The following KRAS variants were observed in gnomAD, a reference collection of about 807,000 sequenced individuals.
KRAS encodes GTPase KRas.
KRAS carries 1 observed loss-of-function variant against 21.0 expected under a neutral mutation model. The observed-to-expected ratio is 0.05, with a 90% CI of 0.02 to 0.23. KRAS has a LOEUF of 0.23. Ranked by LOEUF, KRAS falls within the 10% of genes least tolerant of loss-of-function variation. The pLI is 1.00. For missense variants in KRAS, 107 were observed against 221.8 expected (o/e 0.48, Z 3.29); for synonymous variants, 67 against 72.5 (o/e 0.92, Z 0.39).
intron 4 of KRAS, among the ~76,000 whole-genome samples, chr12:25,212,803 G>T (rs552901616): frequency 3.3e-5 from 5 of 152,014 alleles, no homozygotes; most frequent in Admixed American, 2.0e-4. Flanking sequence ...GCCCAGTCTG[G>T]TCTTAAACTC....
At chr12:25,240,471 C>A (rs539549777) in intron 2 of KRAS, among the ~76,000 whole-genome samples, 1 of 152,202 alleles carries the variant, frequency 6.6e-6, no homozygotes, top group African/African-American at 2.4e-5. Flanking sequence ...ACGTTGAACC[C>A]ACATGAATGA....
Position 25,209,855 on chromosome 12 carries a change from C to T in KRAS, c.507G>A (p.Lys169=), listed in dbSNP as rs750905218. The change falls in exon 5 of 5, where the codon AAG becomes AAA. Residue 169 remains lysine (K), a synonymous_variant. Transcript: ENST00000311936. The part of the protein sequence containing the change: ...LVREIRKHKE[K]MSKDGKKKKK... ...TCTTCTTTTTACCATCTTTGCTCATCTTTTCTTTATGTTTTCGAATTTCTC... is the reference window on the plus strand; with the variant it reads ...TCTTCTTTTTACCATCTTTGCTCATTTTTTCTTTATGTTTTCGAATTTCTC... The T allele has an allele frequency of 6.2e-7, 1 of 1,611,300 alleles. No homozygotes were observed. The highest frequency in any genetic ancestry group is 1.7e-5 in the Admixed American group (1 of 59,946).
At chr12:25,239,493 T>C (rs1951584316) in intron 2 of KRAS, among the ~76,000 whole-genome samples, 1 of 152,232 alleles carries the variant, frequency 6.6e-6, no homozygotes, top group Admixed American at 6.5e-5. Flanking sequence ...TCACTCAATC[T>C]ATGTTACTTA....
In KRAS at chr12:25,209,256, CT is replaced by C. The variant is rs756307694; in HGVS notation, c.*538del. 4.6e-5 allele frequency: 31 copies of C among 679,008 alleles called. No individual in the cohort carries two copies. Among genetic ancestry groups the C allele is most frequent in the South Asian group, 1.8e-4 (11 of 61,818 alleles). The allele number at this position is 679,008 out of a possible 1,614,324, so 42.1% of individuals were successfully genotyped here. A position where few individuals can be genotyped will look rare whatever the true frequency, so the allele number is the denominator to read the frequency against. ...AATAGCAGTGGAAAGGAGACAAAACCTTTGTGAACAGTGTAACTTTACATTC... is the reference window on the plus strand; with the variant it reads ...AATAGCAGTGGAAAGGAGACAAAACCTTGTGAACAGTGTAACTTTACATTC... On this transcript the variant is annotated 3_prime_UTR_variant, in exon 5 of 5. Transcript: ENST00000311936.
rs1394964160 is a variant in KRAS, at chr12:25,206,991, G to A, written c.*2804C>T. On this transcript the variant is annotated 3_prime_UTR_variant, in exon 5 of 5. Coordinates refer to ENST00000311936, the MANE Select transcript of KRAS (RefSeq NM_004985.5). ...ACAATGAAGTGATTTACATAAAGTA[G>A]CTTGATCGAAGAGTTTCAGTGGAAT... is the stretch of plus-strand genomic sequence containing the variant. 16 of 206,154 alleles carry A rather than the reference G, an allele frequency of 7.8e-5. No homozygotes were observed. The highest frequency in any genetic ancestry group is 8.9e-5 in the Non-Finnish European group (9 of 100,950). The allele number at this position is 206,154 out of a possible 1,614,324, so 12.8% of individuals were successfully genotyped here.
At chr12:25,237,469 T>C (rs1292597883) in intron 2 of KRAS, among the ~76,000 whole-genome samples, 1 of 152,076 alleles carries the variant, frequency 6.6e-6, no homozygotes, top group African/African-American at 2.4e-5. Context: ...TGAGTGATAT[T>C]GGGCATGTTG....
At chr12:25,249,670 G>T (rs1592828005) in intron 1 of KRAS, among the ~76,000 whole-genome samples, 1 of 148,878 alleles carries the variant, frequency 6.7e-6, no homozygotes, top group Non-Finnish European at 1.5e-5. Context: ...CAATTCCTCT[G>T]TAAGTTTAAA....
chr12:25,248,614 A>G (rs1427520119), intron 1 of KRAS, among the ~76,000 whole-genome samples: 1 of 151,902 alleles, frequency 6.6e-6, no homozygotes, highest in Admixed American at 6.6e-5. Context: ...CCAGAAAAAA[A>G]AAAAATTCCT....
chr12:25,233,530 T>C (rs1320906347), intron 2 of KRAS, among the ~76,000 whole-genome samples: 2 of 152,180 alleles, frequency 1.3e-5, no homozygotes, highest in East Asian at 1.9e-4. Context: ...GGTTAGATCA[T>C]GTCATTCACT....
intron 3 of KRAS, among the ~76,000 whole-genome samples, chr12:25,226,189 CA>C (rs35237410): frequency 1.3e-5 from 2 of 151,954 alleles, no homozygotes; most frequent in African/African-American, 4.8e-5. Context: ...ATTACTTTTT[CA>C]AAAAACAAAG....
intron 2 of KRAS, among the ~76,000 whole-genome samples, chr12:25,233,478 A>T (rs967638451): frequency 6.6e-6 from 1 of 150,690 alleles, no homozygotes; most frequent in Non-Finnish European, 1.5e-5. Context: ...TGCTTGAGCC[A>T]GGAAGGAAGA....
chr12:25,233,263 T>C (rs1294465412), intron 2 of KRAS, among the ~76,000 whole-genome samples: 2 of 152,064 alleles, frequency 1.3e-5, no homozygotes, highest in Admixed American at 1.3e-4. Flanking sequence ...TAAATGTAGG[T>C]TAGGGCTAGG....
intron 1 of KRAS, among the ~76,000 whole-genome samples, chr12:25,247,724 C>G (rs1951703250): frequency 6.6e-6 from 1 of 152,144 alleles, no homozygotes. Context: ...CCTTTTAACT[C>G]CCATTCTTTC....
At chr12:25,239,813 T>C (rs991314442) in intron 2 of KRAS, among the ~76,000 whole-genome samples, 1 of 151,742 alleles carries the variant, frequency 6.6e-6, no homozygotes, top group Non-Finnish European at 1.5e-5. Flanking sequence ...AGTAATTGGG[T>C]GTGGTGGTGC....
At chr12:25,213,607 A>G (rs968797814) in intron 4 of KRAS, among the ~76,000 whole-genome samples, 12 of 152,252 alleles carry the variant, frequency 7.9e-5, no homozygotes, top group East Asian at 3.8e-4. Flanking sequence ...TACACCACGT[A>G]GTATCTTTTG....
intron 4 of KRAS, among the ~76,000 whole-genome samples, chr12:25,210,424 G>A (rs1185745722): frequency 6.6e-6 from 1 of 152,010 alleles, no homozygotes. Context: ...AACAGTATTC[G>A]AACATCCTAT....
chr12:25,233,665 T>C (rs1382206663), intron 2 of KRAS, among the ~76,000 whole-genome samples: 3 of 152,248 alleles, frequency 2.0e-5, no homozygotes, highest in African/African-American at 7.2e-5. Flanking sequence ...TGTATTTACT[T>C]GTGAAATTGT....
chr12:25,246,165 A>C (rs1281987672), intron 1 of KRAS, among the ~76,000 whole-genome samples: 3 of 151,374 alleles, frequency 2.0e-5, no homozygotes, highest in Non-Finnish European at 2.9e-5. Flanking sequence ...AAAAAAAAAA[A>C]AAAAATCTCT....
At chr12:25,220,652 G>A (rs1451380121) in intron 4 of KRAS, among the ~76,000 whole-genome samples, 9 of 151,734 alleles carry the variant, frequency 5.9e-5, no homozygotes, top group African/African-American at 1.2e-4. Context: ...GCTTGAATCC[G>A]GGAAGCGGAG....
Sources: gnomAD v4.1 joint callset for allele counts (sites outside exome capture counted in the v4.1 genomes callset) on GRCh38, gnomAD v4.1.1 for gene constraint, MANE v1.5 for transcripts, NCBI Gene and HGNC (gene_info 2026-07-23, HGNC 2026-07-21) for gene names.